The following TMEM178B variants were observed in gnomAD, a reference collection of about 807,000 sequenced individuals.
The protein encoded by TMEM178B is transmembrane protein 178B.
A neutral mutation model predicts 31.0 loss-of-function variants in TMEM178B; 5 were observed. The ratio of observed to expected loss-of-function variants is 0.16; its 90% CI spans 0.08 to 0.34. TMEM178B has a LOEUF of 0.34. Ranked by LOEUF, TMEM178B falls within the 10% of genes least tolerant of loss-of-function variation. TMEM178B has a pLI of 1.00. For missense variants in TMEM178B, 275 were observed against 400.3 expected, an observed-to-expected ratio of 0.69 and a Z score of 2.67; for synonymous variants, 164 against 164.0, an observed-to-expected ratio of 1.00 and a Z score of 0.00.
chr7:141,485,491 T>A, the TMEM178B span, among the ~76,000 whole-genome samples: 1 of 152,204 alleles, frequency 6.6e-6, no homozygotes, highest in African/African-American at 2.4e-5. Flanking sequence ...TGAGTTAATC[T>A]CAGCCACATG....
chr7:141,222,619 T>TG (rs1004149842), intron 2 of TMEM178B, among the ~76,000 whole-genome samples: 1 of 152,142 alleles, frequency 6.6e-6, no homozygotes, highest in Non-Finnish European at 1.5e-5. Flanking sequence ...CCATGGGAGC[T>TG]GGGGGGAATG....
chr7:141,373,402 A>T (rs772372577), intron 2 of TMEM178B, among the ~76,000 whole-genome samples: 13 of 152,216 alleles, frequency 8.5e-5, no homozygotes, highest in Non-Finnish European at 1.6e-4. Context: ...TACTTGCAGA[A>T]GGTTGGGTTT....
At chr7:141,496,056 C>G in the TMEM178B span, among the ~76,000 whole-genome samples, 3 of 152,138 alleles carry the variant, frequency 2.0e-5, no homozygotes, top group Non-Finnish European at 4.4e-5. Flanking sequence ...CTGCAGTGCC[C>G]AGCACTTCCT....
At chr7:141,116,117 A>G (rs1203159673) in intron 1 of TMEM178B, among the ~76,000 whole-genome samples, 1 of 152,140 alleles carries the variant, frequency 6.6e-6, no homozygotes, top group Non-Finnish European at 1.5e-5. Context: ...TTCTCTTTGA[A>G]TTTCTCTTTG....
chr7:141,310,541 G>C (rs565382019), intron 2 of TMEM178B, among the ~76,000 whole-genome samples: 1 of 152,174 alleles, frequency 6.6e-6, no homozygotes, highest in Admixed American at 6.5e-5. Context: ...AGCCCTGCAT[G>C]CATTAGGTAT....
At chr7:141,437,566 C>T (rs1182806894) in intron 2 of TMEM178B, 42 bp from the exon 3 acceptor site, 7 of 1,533,648 alleles carry the variant, frequency 4.6e-6, no homozygotes, top group Non-Finnish European at 6.1e-6. Flanking sequence ...GCCCTCAGTC[C>T]CAGGCTCTGC....
At chr7:141,240,552 G>A (rs1797601088) in intron 2 of TMEM178B, among the ~76,000 whole-genome samples, 2 of 152,176 alleles carry the variant, frequency 1.3e-5, no homozygotes, top group Non-Finnish European at 2.9e-5. Flanking sequence ...TGTAAATGAG[G>A]ACAAGAATTT....
the TMEM178B span, among the ~76,000 whole-genome samples, chr7:141,508,305 C>G: frequency 6.6e-6 from 1 of 152,212 alleles, no homozygotes; most frequent in African/African-American, 2.4e-5. Flanking sequence ...AGAAGTTCCT[C>G]ACTCCATCTG....
At chr7:141,314,926 A>G (rs922673630) in intron 2 of TMEM178B, among the ~76,000 whole-genome samples, 1 of 152,220 alleles carries the variant, frequency 6.6e-6, no homozygotes, top group South Asian at 2.1e-4. Context: ...ATTTCTACCC[A>G]GGTATCACAA....
downstream of TMEM178B, among the ~76,000 whole-genome samples, chr7:141,484,814 G>A (rs761463123): frequency 6.6e-6 from 1 of 151,958 alleles, no homozygotes; most frequent in Non-Finnish European, 1.5e-5. This position sits in a 1 kb window ranked among gnomAD's most constrained non-coding sequence, Gnocchi z 4.8. Context: ...CGCCCGCCTC[G>A]GCCTCCCAAA....
chr7:141,188,440 TC>T (rs1385445156), intron 1 of TMEM178B, among the ~76,000 whole-genome samples: 3 of 152,192 alleles, frequency 2.0e-5, no homozygotes, highest in African/African-American at 7.2e-5. Context: ...CCAAAACACT[TC>T]CTGTGCAAAT....
At chr7:141,303,615 C>T (rs1798764946) in intron 2 of TMEM178B, among the ~76,000 whole-genome samples, 3 of 152,128 alleles carry the variant, frequency 2.0e-5, no homozygotes, top group African/African-American at 7.2e-5. Context: ...CTGTTGTTTC[C>T]CCAGGCTGTA....
intron 2 of TMEM178B, among the ~76,000 whole-genome samples, chr7:141,317,352 A>G (rs1444213845): frequency 6.6e-6 from 1 of 152,192 alleles, no homozygotes; most frequent in Admixed American, 6.6e-5. Flanking sequence ...AAGCGAAGAA[A>G]GGCCCTTTTT....
intron 3 of TMEM178B, among the ~76,000 whole-genome samples, chr7:141,439,599 T>C (rs1384567371): frequency 6.6e-6 from 1 of 152,220 alleles, no homozygotes; most frequent in African/African-American, 2.4e-5. Context: ...AAGATAAAAG[T>C]GGAGCAGCTC....
chr7:141,407,238 A>G (rs545671893), intron 2 of TMEM178B, among the ~76,000 whole-genome samples: 8 of 152,366 alleles, frequency 5.3e-5, no homozygotes, highest in Non-Finnish European at 1.2e-4. Context: ...GCTGTTTAGC[A>G]TCCATGGGTG....
rs574001242 is a variant in TMEM178B at position 141,402,775 on chromosome 7, GC to G, written c.497-34831del. 9.6e-4 allele frequency among the ~76,000 whole-genome samples: 147 copies of G among 152,376 alleles called. 1 individual carries two copies. The highest frequency in any genetic ancestry group is 1.7e-3 in the Non-Finnish European group (119 of 68,030). On this transcript the variant is annotated intron_variant, in intron 2 of 3. Coordinates refer to ENST00000565468, the MANE Select transcript of TMEM178B (RefSeq NM_001195278.2). ...AGGCACTTAGGCACTCCAAGGTGAGGCCTGGGGCTGCCTGCGCACTGGAGGC... is the reference window on the plus strand; with the variant it reads ...AGGCACTTAGGCACTCCAAGGTGAGGCTGGGGCTGCCTGCGCACTGGAGGC...
chr7:141,222,530 T>TG (rs1438475508), intron 2 of TMEM178B, among the ~76,000 whole-genome samples: 3 of 152,228 alleles, frequency 2.0e-5, no homozygotes, highest in Non-Finnish European at 4.4e-5. Flanking sequence ...GCACAATCTC[T>TG]GAGTAAGTTT....
chr7:141,442,201 C>T (rs559419800), intron 3 of TMEM178B, among the ~76,000 whole-genome samples: 6 of 152,208 alleles, frequency 3.9e-5, no homozygotes, highest in African/African-American at 1.4e-4. Flanking sequence ...TCAACGTATG[C>T]CCTACCCCAT....
chr7:141,266,250 A>G (rs1396133381), intron 2 of TMEM178B, among the ~76,000 whole-genome samples: 1 of 152,158 alleles, frequency 6.6e-6, no homozygotes, highest in Non-Finnish European at 1.5e-5. Flanking sequence ...CATTGCATTC[A>G]TCTTCCAGGT....
Sources: gnomAD v4.1 joint callset for allele counts (sites outside exome capture counted in the v4.1 genomes callset) on GRCh38, gnomAD v4.1.1 for gene constraint, Gnocchi (gnomAD v3.1) non-coding constraint, MANE v1.5 for transcripts, NCBI Gene and HGNC (gene_info 2026-07-23, HGNC 2026-07-21) for gene names.